Variants in TMEM26 observed in about 807,000 individuals in gnomAD.
The protein encoded by TMEM26 is transmembrane protein 26.
Under a neutral mutation model 28.8 loss-of-function variants are expected in TMEM26, and 38 were observed. The observed-to-expected ratio is 1.32, with a 90% confidence interval of 1.02 to 1.73. The LOEUF is 1.73. Ranked by LOEUF, TMEM26 falls within the 40% of genes most tolerant of loss-of-function variation. The pLI, the probability that TMEM26 is intolerant of heterozygous loss-of-function variation, is 0.00. For synonymous variants in TMEM26, 227 were observed against 182.9 expected (o/e 1.24, Z -1.95); for missense variants, 518 against 447.1 (o/e 1.16, Z -1.43).
chr10:61,412,707 T>C (rs1297422423), intron 5 of TMEM26, among the ~76,000 whole-genome samples: 3 of 152,138 alleles, frequency 2.0e-5, no homozygotes, highest in African/African-American at 7.2e-5. Flanking sequence ...TGGTAGCCAT[T>C]TGTGGCAACT....
rs546283215 is a variant in TMEM26, at chr10:61,423,976, TA to T, written c.605+4949del. On this transcript the variant is annotated intron_variant, in intron 4 of 5. Coordinates refer to ENST00000399298, the MANE Select transcript of TMEM26 (RefSeq NM_178505.8). ...TCTTCAAACTGGTAAAGGGCATCTA[TA>T]CAAAACCCACAAGTAACATCATCTT... is the stretch of plus-strand genomic sequence containing the variant. 5.0e-4 allele frequency among the ~76,000 whole-genome samples: 76 copies of T among 152,292 alleles called. 1 individual carries two copies. The highest frequency in any genetic ancestry group is 1.8e-3 in the African/African-American group (74 of 41,556).
chr10:61,433,224 C>T (rs550365888), intron 2 of TMEM26, among the ~76,000 whole-genome samples: 32 of 152,180 alleles, frequency 2.1e-4, no homozygotes, highest in African/African-American at 7.0e-4. Flanking sequence ...AGTTGCTCTC[C>T]GCTCTTGTTA....
chr10:61,426,040 T>C (rs888340155), intron 4 of TMEM26, among the ~76,000 whole-genome samples: 1 of 152,134 alleles, frequency 6.6e-6, no homozygotes, highest in African/African-American at 2.4e-5. Flanking sequence ...GTTATCCACA[T>C]GTACATCTAC....
intron 4 of TMEM26, among the ~76,000 whole-genome samples, chr10:61,421,880 T>C (rs1190511826): frequency 1.3e-5 from 2 of 152,042 alleles, no homozygotes; most frequent in Non-Finnish European, 2.9e-5. Context: ...TGTACTTAAC[T>C]GGGGAGGAAA....
intron 1 of TMEM26, among the ~76,000 whole-genome samples, chr10:61,444,824 A>G (rs933685246): frequency 1.3e-5 from 2 of 152,020 alleles, no homozygotes; most frequent in Non-Finnish European, 2.9e-5. Context: ...CCATCCTGGG[A>G]AGAAGAATCC....
chr10:61,433,419 T>A (rs962681990), intron 2 of TMEM26, among the ~76,000 whole-genome samples: 25 of 152,062 alleles, frequency 1.6e-4, no homozygotes, highest in Admixed American at 2.6e-4. Flanking sequence ...TGCCTTTTTT[T>A]AAAAAAAGGC....
At chr10:61,416,237 C>CA (rs1839650501) in intron 4 of TMEM26, 1 of 373,704 alleles carries the variant, frequency 2.7e-6, no homozygotes, top group South Asian at 2.1e-5. Flanking sequence ...ATAATTCTAC[C>CA]AAAAACTATG....
intron 1 of TMEM26, among the ~76,000 whole-genome samples, chr10:61,446,007 G>GA (rs143216658): frequency 0.2 from 30,934 of 151,710 alleles, 3,408 homozygotes; most frequent in Middle Eastern, 0.31. Flanking sequence ...TACAAGAAGT[G>GA]AAAAAAAATA....
chr10:61,445,546 G>C (rs1421146338), intron 1 of TMEM26, among the ~76,000 whole-genome samples: 1 of 152,040 alleles, frequency 6.6e-6, no homozygotes. Flanking sequence ...ATAGGTAATA[G>C]GTTTATATTC....
chr10:61,448,689 A>G (rs1313947323), intron 1 of TMEM26, among the ~76,000 whole-genome samples: 4 of 151,620 alleles, frequency 2.6e-5, no homozygotes, highest in Admixed American at 6.6e-5. Context: ...TCATTAAGCA[A>G]TTCAAAAATA....
intron 2 of TMEM26, among the ~76,000 whole-genome samples, chr10:61,432,393 T>C (rs1231889917): frequency 6.6e-6 from 1 of 152,094 alleles, no homozygotes; most frequent in Non-Finnish European, 1.5e-5. Context: ...AAGTGAATTG[T>C]GCATGATATT....
Position 61,436,199 on chromosome 10 carries a change from A to C in TMEM26, c.241T>G (p.Trp81Gly), listed in dbSNP as rs1378161263. Residue 81 changes from tryptophan to glycine, a missense_variant, in exon 2 of 6, where the codon TGG becomes GGG. Trp to Gly is a radical substitution (Grantham distance 184). Coordinates refer to ENST00000399298, the MANE Select transcript of TMEM26 (RefSeq NM_178505.8). The part of the protein sequence containing the change: ...LYLISIVPSL[W>G]LLELHHETQY... ...GTCTCATGGTGCAATTCAAGAAGCC[A>C]TAATGATGGAACGATGCTAATCAGA... 1.2e-6 allele frequency: 2 copies of C among 1,610,740 alleles called. No homozygotes were observed. The highest frequency in any genetic ancestry group is 1.7e-6 in the Non-Finnish European group (2 of 1,178,080).
intron 3 of TMEM26, among the ~76,000 whole-genome samples, chr10:61,429,390 G>T (rs1167777983): frequency 6.6e-6 from 1 of 152,026 alleles, no homozygotes; most frequent in Non-Finnish European, 1.5e-5. Flanking sequence ...TTAAACTTAC[G>T]AGTGGGATTG....
intron 5 of TMEM26, chr10:61,412,820 C>T: frequency 4.4e-6 from 2 of 450,964 alleles, no homozygotes; most frequent in South Asian, 6.5e-5. Context: ...TGGTGGGTCC[C>T]CTGTTGAACA....
At chr10:61,410,795 A>T in intron 5 of TMEM26, 49 bp from the exon 6 acceptor site, 1 of 1,564,700 alleles carries the variant, frequency 6.4e-7, no homozygotes, top group Non-Finnish European at 8.7e-7. Flanking sequence ...AAGTGTAGAC[A>T]TATAAGACAA....
At chr10:61,433,333 G>T (rs1029878209) in intron 2 of TMEM26, among the ~76,000 whole-genome samples, 1 of 152,074 alleles carries the variant, frequency 6.6e-6, no homozygotes, top group Non-Finnish European at 1.5e-5. Context: ...AGCCTGACTT[G>T]TATTATTTTG....
intron 1 of TMEM26, among the ~76,000 whole-genome samples, chr10:61,441,556 A>T (rs1329735955): frequency 6.6e-6 from 1 of 152,154 alleles, no homozygotes; most frequent in African/African-American, 2.4e-5. Context: ...GAGTAAGGAG[A>T]TGTGGAGTAC....
Position 61,452,930 on chromosome 10 carries a change from G to A in TMEM26, c.152C>T (p.Ala51Val). 2.5e-6 allele frequency: 4 copies of A among 1,613,976 alleles called. No individual in the cohort carries two copies. The highest frequency in any genetic ancestry group is 1.3e-5 in the African/African-American group (1 of 75,044). Residue 51 changes from alanine (A) to valine (V), a missense_variant, in exon 1 of 6, where the codon GCG (alanine) becomes GTG (valine). Physicochemically the swap from Ala to Val is moderately conservative, Grantham distance 64. Coordinates refer to ENST00000399298, the MANE Select transcript of TMEM26 (RefSeq NM_178505.8). ...GCCGCGCTTGAACTTGAGGGTGAGC[G>A]CAGTCTCCAGGAAGAGCAAGAGGTT... ...LLNLLLFLET[A>V]LTLKFKRGRG...
At chr10:61,411,356 A>G (rs543478375) in intron 5 of TMEM26, among the ~76,000 whole-genome samples, 1 of 152,038 alleles carries the variant, frequency 6.6e-6, no homozygotes, top group South Asian at 2.1e-4. Context: ...TTTTCCCTCA[A>G]TCTTCCCCTT....
Sources: gnomAD v4.1 joint callset for allele counts (sites outside exome capture counted in the v4.1 genomes callset) on GRCh38, gnomAD v4.1.1 for gene constraint, MANE v1.5 for transcripts, NCBI Gene and HGNC (gene_info 2026-07-23, HGNC 2026-07-21) for gene names.